DOCK1: variants seen among roughly 807,000 people sequenced by gnomAD.
DOCK1 encodes dedicator of cytokinesis 1.
In DOCK1, 138 loss-of-function variants were observed where a neutral mutation model predicts 262.7. That is an observed-to-expected ratio of 0.53 (90% CI 0.46 to 0.61). DOCK1 has a LOEUF of 0.61. DOCK1 is among the 20% of genes least tolerant of loss of function. DOCK1 has a pLI of 0.00. For missense variants in DOCK1, 1,908 were observed against 2,370.7 expected, an observed-to-expected ratio of 0.80 and a Z score of 4.05; for synonymous variants, 866 against 867.4, an observed-to-expected ratio of 1.00 and a Z score of 0.03.
At chr10:127,043,239 CT>C in intron 21 of DOCK1, 75 bp downstream of exon 21, 2 of 1,199,200 alleles carry the variant, frequency 1.7e-6, no homozygotes, top group Middle Eastern at 2.0e-4. Context: ...TTTTCATGTA[CT>C]TTTGTCTATG....
intron 29 of DOCK1, among the ~76,000 whole-genome samples, chr10:127,275,144 G>C (rs1319536870): frequency 2.0e-5 from 3 of 152,174 alleles, no homozygotes; most frequent in African/African-American, 7.2e-5. Flanking sequence ...TGTCTCTAGG[G>C]AAGAGAAGCC....
At chr10:127,258,826 G>T (rs1393257672) in intron 29 of DOCK1, among the ~76,000 whole-genome samples, 1 of 152,224 alleles carries the variant, frequency 6.6e-6, no homozygotes, top group Admixed American at 6.5e-5. Flanking sequence ...ATGCTGATAG[G>T]TGTGTAGTGT....
chr10:127,028,462 C>T (rs1324058455), intron 16 of DOCK1, among the ~76,000 whole-genome samples: 1 of 152,200 alleles, frequency 6.6e-6, no homozygotes, highest in Non-Finnish European at 1.5e-5. Context: ...ATTATTACTT[C>T]CCACATTACA....
intron 23 of DOCK1, among the ~76,000 whole-genome samples, chr10:127,089,691 G>C (rs988265637): frequency 6.6e-6 from 1 of 152,150 alleles, no homozygotes; most frequent in Non-Finnish European, 1.5e-5. Flanking sequence ...TGGGCAGGGC[G>C]TGGAGATGGA....
chr10:127,047,371 G>A (rs570525931), intron 21 of DOCK1, among the ~76,000 whole-genome samples: 15 of 152,222 alleles, frequency 9.9e-5, no homozygotes, highest in African/African-American at 3.6e-4. Context: ...GACGATAAAA[G>A]TTCCCTTGTA....
At chr10:126,953,148 G>A (rs999651844) in intron 1 of DOCK1, among the ~76,000 whole-genome samples, 123 of 151,468 alleles carry the variant, frequency 8.1e-4, no homozygotes, top group African/African-American at 2.8e-3. Flanking sequence ...AGTAATTTTC[G>A]TAGTGTTGGT....
At chr10:127,204,016 G>A (rs1468402053) in intron 27 of DOCK1, among the ~76,000 whole-genome samples, 2 of 151,696 alleles carry the variant, frequency 1.3e-5, no homozygotes, top group Non-Finnish European at 2.9e-5. Flanking sequence ...AATATGGCTA[G>A]AATGTTGTAC....
At chr10:127,194,264 C>G (rs906403861) in intron 27 of DOCK1, among the ~76,000 whole-genome samples, 6 of 152,186 alleles carry the variant, frequency 3.9e-5, no homozygotes, top group Non-Finnish European at 8.8e-5. Context: ...AAATGCGCCT[C>G]TAATAAAACC....
At chr10:127,256,889 G>C (rs778840333) in intron 28 of DOCK1, among the ~76,000 whole-genome samples, 2 of 152,162 alleles carry the variant, frequency 1.3e-5, no homozygotes, top group Non-Finnish European at 2.9e-5. Flanking sequence ...CTTTCGTTTT[G>C]AAATTCCGTA....
At chr10:127,129,087 G>A (rs1053194069) in intron 27 of DOCK1, among the ~76,000 whole-genome samples, 7 of 152,076 alleles carry the variant, frequency 4.6e-5, no homozygotes, top group African/African-American at 9.7e-5. Context: ...TAGTCAGAAC[G>A]GAGCACTGGG....
intron 32 of DOCK1, among the ~76,000 whole-genome samples, chr10:127,357,396 C>G (rs1193611799): frequency 1.3e-5 from 2 of 152,196 alleles, no homozygotes. Context: ...GGGTGAGTTT[C>G]TCCGCGTGCC....
chr10:127,059,081 T>G (rs1388820177), intron 22 of DOCK1, among the ~76,000 whole-genome samples: 1 of 152,184 alleles, frequency 6.6e-6, no homozygotes, highest in Non-Finnish European at 1.5e-5. Context: ...ATATTTTCAC[T>G]CACTATAGCA....
At chr10:126,945,980 G>A (rs902829717) in intron 1 of DOCK1, among the ~76,000 whole-genome samples, 24 of 152,338 alleles carry the variant, frequency 1.6e-4, no homozygotes, top group African/African-American at 5.5e-4. Flanking sequence ...TTCATAGGCA[G>A]AGACGCTCTG....
At chr10:127,345,310 C>G (rs1478147394) in intron 31 of DOCK1, among the ~76,000 whole-genome samples, 1 of 152,166 alleles carries the variant, frequency 6.6e-6, no homozygotes. Context: ...CAAAACCATT[C>G]CTTAGGCCCT....
At chr10:127,010,246 C>T (rs914063100) in intron 11 of DOCK1, among the ~76,000 whole-genome samples, 2 of 152,180 alleles carry the variant, frequency 1.3e-5, no homozygotes, top group African/African-American at 4.8e-5. Context: ...GCAGGAGGAT[C>T]ACCTGAGGTC....
At chr10:127,351,242 C>G (rs1202978146) in intron 31 of DOCK1, among the ~76,000 whole-genome samples, 1 of 152,110 alleles carries the variant, frequency 6.6e-6, no homozygotes, top group Non-Finnish European at 1.5e-5. Flanking sequence ...TGCTCACTCA[C>G]ACCGTGGGTG....
chr10:126,936,005 A>T (rs1353178397), intron 1 of DOCK1, among the ~76,000 whole-genome samples: 1 of 152,198 alleles, frequency 6.6e-6, no homozygotes, highest in Admixed American at 6.5e-5. Flanking sequence ...TTTTTAGACA[A>T]GGCCTCACTT....
intron 18 of DOCK1, among the ~76,000 whole-genome samples, chr10:127,034,379 C>T (rs2043446635): frequency 6.6e-6 from 1 of 152,160 alleles, no homozygotes; most frequent in Admixed American, 6.5e-5. Context: ...TTATCACTCT[C>T]ATGAGAACAG....
chr10:126,980,219 G>A (rs2038853187), intron 3 of DOCK1, among the ~76,000 whole-genome samples: 2 of 152,068 alleles, frequency 1.3e-5, no homozygotes, highest in Admixed American at 6.5e-5. Flanking sequence ...TGGAGACAGG[G>A]TCTCACTTTG....
Sources: gnomAD v4.1 joint callset for allele counts (sites outside exome capture counted in the v4.1 genomes callset) on GRCh38, gnomAD v4.1.1 for gene constraint, MANE v1.5 for transcripts, NCBI Gene and HGNC (gene_info 2026-07-23, HGNC 2026-07-21) for gene names.